LAPTM4A: variants seen among roughly 807,000 people sequenced by gnomAD.
LAPTM4A encodes lysosomal protein transmembrane 4 alpha.
Under a neutral mutation model 29.9 loss-of-function variants are expected in LAPTM4A, and 19 were observed. The ratio of observed to expected loss-of-function variants is 0.64; its 90% CI spans 0.44 to 0.93. The LOEUF (loss-of-function observed/expected upper bound fraction) is 0.93, where lower values mean the gene tolerates loss of function less well. Among genes scored for constraint, LAPTM4A ranks in the 40% least tolerant of loss-of-function variants. The pLI is 0.00. For synonymous variants in LAPTM4A, 105 were observed against 102.1 expected, an observed-to-expected ratio of 1.03 and a Z score of -0.17; for missense variants, 293 against 288.5, an observed-to-expected ratio of 1.02 and a Z score of -0.11.
At chr2:20,049,996 C>T (rs1393560426) in intron 1 of LAPTM4A, among the ~76,000 whole-genome samples, 1 of 152,194 alleles carries the variant, frequency 6.6e-6, no homozygotes, top group Non-Finnish European at 1.5e-5. Flanking sequence ...GTCATTAACT[C>T]TATGTTTAGT....
At chr2:20,050,841 T>C (rs1237670366) in intron 1 of LAPTM4A, among the ~76,000 whole-genome samples, 4 of 152,130 alleles carry the variant, frequency 2.6e-5, no homozygotes, top group South Asian at 4.1e-4. Context: ...GCAAAAGCTA[T>C]CGCCCCCAAG....
chr2:20,050,601 AG>A (rs1674033157), intron 1 of LAPTM4A, among the ~76,000 whole-genome samples: 1 of 152,190 alleles, frequency 6.6e-6, no homozygotes, highest in Admixed American at 6.5e-5. Flanking sequence ...GAATTACAAA[AG>A]AAAAAATCAC....
At chr2:20,037,693 A>AGTG in intron 2 of LAPTM4A, 79 bp from the exon 3 acceptor site, 2 of 880,538 alleles carry the variant, frequency 2.3e-6, no homozygotes, top group Non-Finnish European at 3.5e-6. Context: ...GCTAGCTTTA[A>AGTG]AATATTAAAT....
chr2:20,040,322 T>C (rs1673767168), intron 2 of LAPTM4A, among the ~76,000 whole-genome samples: 1 of 152,238 alleles, frequency 6.6e-6, no homozygotes, highest in African/African-American at 2.4e-5. Flanking sequence ...ATTTTCTGGC[T>C]AGAAATGCTC....
rs764427568 is a variant in LAPTM4A, at chr2:20,037,526, C to T, written c.309+12G>A. 1.9e-6 allele frequency: 3 copies of T among 1,604,446 alleles called. No individual in the cohort carries two copies. The African/African-American group carries it at 4.0e-5, about 22-fold the overall frequency. The stretch of plus-strand genomic sequence containing the variant: ...GGTCAAACTCTAAAAGATGAAAATA[C>T]AGTATACTTACAGAAATTGCTCCAT... On this transcript the variant is annotated intron_variant, in intron 3 of 6. Transcript: ENST00000175091.
At chr2:20,039,462 G>C (rs1222941017) in intron 2 of LAPTM4A, among the ~76,000 whole-genome samples, 2 of 152,210 alleles carry the variant, frequency 1.3e-5, no homozygotes, top group African/African-American at 4.8e-5. Flanking sequence ...GCTTTCAAGA[G>C]TCTGCTATGG....
chr2:20,033,672 A>T (rs1673623360), intron 6 of LAPTM4A, among the ~76,000 whole-genome samples: 1 of 152,212 alleles, frequency 6.6e-6, no homozygotes, highest in Admixed American at 6.5e-5. Flanking sequence ...TAGCTCCTGG[A>T]TCCTGACTTT....
intron 1 of LAPTM4A, among the ~76,000 whole-genome samples, chr2:20,044,348 T>A (rs1296672189): frequency 6.6e-6 from 1 of 152,226 alleles, no homozygotes; most frequent in African/African-American, 2.4e-5. Flanking sequence ...ATAGTCACAG[T>A]GAAAAAGCTC....
intron 4 of LAPTM4A, 121 bp downstream of exon 4, chr2:20,037,195 A>G: frequency 1.3e-6 from 1 of 772,848 alleles, no homozygotes; most frequent in East Asian, 2.8e-5. Flanking sequence ...TAATTATTTT[A>G]AGACACTTTC....
intron 6 of LAPTM4A, among the ~76,000 whole-genome samples, chr2:20,033,577 G>A (rs1673619908): frequency 6.6e-6 from 1 of 152,160 alleles, no homozygotes; most frequent in African/African-American, 2.4e-5. Flanking sequence ...ATTCCAGTGT[G>A]ACCGATGAAG....
At chr2:20,048,428 C>T (rs1311847948) in intron 1 of LAPTM4A, among the ~76,000 whole-genome samples, 2 of 152,188 alleles carry the variant, frequency 1.3e-5, no homozygotes, top group Non-Finnish European at 2.9e-5. Flanking sequence ...CTGGTACCTC[C>T]GGTGCATATA....
rs530310973 is a variant in LAPTM4A, at chr2:20,036,900, T to C, written c.432+416A>G. On this transcript the variant is annotated intron_variant, in intron 4 of 6. Transcript: ENST00000175091. ...TAAACTGTAATATTCGCAGTTATCTTTATATCCACACCATTCACCAACAGT... is the reference window on the plus strand; with the variant it reads ...TAAACTGTAATATTCGCAGTTATCTCTATATCCACACCATTCACCAACAGT... Among the ~76,000 whole-genome samples the C allele has an allele frequency of 5.9e-5, 9 of 152,352 alleles. No individual in the cohort carries two copies. In the East Asian group the frequency reaches 1.2e-3, roughly 20 times the overall value.
intron 1 of LAPTM4A, among the ~76,000 whole-genome samples, chr2:20,050,790 G>A (rs1306511336): frequency 6.6e-6 from 1 of 152,182 alleles, no homozygotes; most frequent in Non-Finnish European, 1.5e-5. Flanking sequence ...GCGCAGGGAG[G>A]AGGCTGCACC....
In LAPTM4A at chr2:20,032,819, A is replaced by G. The variant is rs1673591694; in HGVS notation, c.*386T>C. 1 of 181,092 alleles carries G rather than the reference A, an allele frequency of 5.5e-6. No individual in the cohort carries two copies. The highest frequency in any genetic ancestry group is 1.3e-4 in the South Asian group (1 of 7,956). The allele number at this position is 181,092 out of a possible 1,614,324, so 11.2% of individuals were successfully genotyped here. On this transcript the variant is annotated 3_prime_UTR_variant, in exon 7 of 7. Coordinates refer to ENST00000175091, the MANE Select transcript of LAPTM4A (RefSeq NM_014713.5). ...ATACCCAACTACTTACTCACCCCGA[A>G]TATTTAAGTCAGTCTTCCTGAAAGT...
chr2:20,047,696 C>CAAAAAAAAAAAG (rs550625996), intron 1 of LAPTM4A, among the ~76,000 whole-genome samples: 1 of 76,728 alleles, frequency 1.3e-5, no homozygotes, highest in African/African-American at 5.0e-5. Flanking sequence ...GACTCCGTCT[C>CAAAAAAAAAAAG]AAAAAAAAAA....
intron 2 of LAPTM4A, among the ~76,000 whole-genome samples, chr2:20,039,355 T>C (rs1302547018): frequency 1.3e-5 from 2 of 152,244 alleles, no homozygotes; most frequent in African/African-American, 2.4e-5. Flanking sequence ...TGCTACAACA[T>C]GCAAACTTCC....
chr2:20,051,499 G>A lies in LAPTM4A; in HGVS notation c.22C>T (p.Arg8Trp), dbSNP rs141898895. 4.7e-5 allele frequency: 75 copies of A among 1,608,658 alleles called. 1 individual carries two copies. Among genetic ancestry groups the A allele is most frequent in the Non-Finnish European group, 5.9e-5 (70 of 1,177,334 alleles). Residue 8 changes from arginine to tryptophan, a missense_variant, in exon 1 of 7, where the codon CGG (arginine) becomes TGG (tryptophan). Transcript: ENST00000175091. ...CTGTAGAACCGGTCACTGCGGTTCC[G>A]CTTGAAACTCATGGACACCATCGTA... Reference protein sequence around the residue: MVSMSFKRNRSDRFYSTR... With the variant: MVSMSFKWNRSDRFYSTR...
At chr2:20,036,088 G>A (rs1312949019) in intron 4 of LAPTM4A, among the ~76,000 whole-genome samples, 1 of 152,146 alleles carries the variant, frequency 6.6e-6, no homozygotes, top group African/African-American at 2.4e-5. Context: ...TATGCTAAGG[G>A]TTTTACTCAG....
At chr2:20,035,116 TG>T (rs1470931870) in intron 4 of LAPTM4A, 54 bp from the exon 5 acceptor site, 1 of 1,194,816 alleles carries the variant, frequency 8.4e-7, no homozygotes, top group Admixed American at 1.8e-5. Context: ...TAGCACTTGC[TG>T]ATAACCTGAA....
Sources: gnomAD v4.1 joint callset for allele counts (sites outside exome capture counted in the v4.1 genomes callset) on GRCh38, gnomAD v4.1.1 for gene constraint, MANE v1.5 for transcripts, NCBI Gene and HGNC (gene_info 2026-07-23, HGNC 2026-07-21) for gene names.